TTN: variants seen among roughly 807,000 people sequenced by gnomAD.
TTN encodes the protein titin.
A neutral mutation model predicts 3,223.0 loss-of-function variants in TTN; 1,525 were observed. That is an observed-to-expected ratio of 0.47 (90% CI 0.45 to 0.49). The LOEUF (loss-of-function observed/expected upper bound fraction) is 0.49, where lower values mean the gene tolerates loss of function less well. Among genes scored for constraint, TTN ranks in the 20% least tolerant of loss-of-function variants. The probability of loss-of-function intolerance (pLI) is 0.00; values close to 1 mark genes in which losing one functional copy is unlikely to be tolerated. For synonymous variants in TTN, 14,094 were observed against 15,161.0 expected (o/e 0.93, Z 5.17); for missense variants, 40,786 against 43,424.0 (o/e 0.94, Z 5.40).
chr2:178,723,922 T>C lies in TTN; in HGVS notation c.21337A>G (p.Asn7113Asp), dbSNP rs1309672541. ...LNSLDSSDMG[N>D]YTCVAANVAG... ...ACATTAGCAGCCACGCATGTGTAAT[T>C]GCCCATATCTGAGGAATCCAGAGAA... Residue 7113 changes from asparagine to aspartate, a missense_variant, in exon 73 of 363, where the codon AAT becomes GAT. Transcript: ENST00000589042. 1.2e-6 allele frequency: 2 copies of C among 1,613,534 alleles called. No homozygotes were observed. The highest frequency in any genetic ancestry group is 8.5e-7 in the Non-Finnish European group (1 of 1,179,562).
Position 178,652,330 on chromosome 2 carries a change from C to G in TTN, c.39145G>C (p.Glu13049Gln), listed in dbSNP as rs1210656980. 9 of 1,613,740 alleles carry G rather than the reference C, an allele frequency of 5.6e-6. No homozygotes were observed. The highest frequency in any genetic ancestry group is 7.6e-6 in the Non-Finnish European group (9 of 1,179,708). The stretch of plus-strand genomic sequence containing the variant: ...GGCACTTTCTTTTCAGGAACAACTT[C>G]TTTGGGAGCCTCAGGCACTTGAAAG... ...TPVKVPEAPK[E>Q]VVPEKKVPVP... Residue 13049 changes from glutamate (E) to glutamine (Q), a missense_variant, in exon 203 of 363, where the codon GAA becomes CAA. Transcript: ENST00000589042.
rs1391182594 is a variant in TTN, at chr2:178,536,758, G to A, written c.100171+180C>T. On this transcript the variant is annotated intron_variant, in intron 356 of 362. Coordinates refer to ENST00000589042, the MANE Select transcript of TTN (RefSeq NM_001267550.2). ...AAACCAAAGTTCTATTTTTACAATG[G>A]GGTTAGGATATATATTTCTCCTTTT... The A allele has an allele frequency of 1.7e-5, 13 of 773,068 alleles. 1 individual carries two copies. Among genetic ancestry groups the A allele is most frequent in the Non-Finnish European group, 2.5e-5 (13 of 518,620 alleles). The allele number at this position is 773,068 out of a possible 1,614,324, so 47.9% of individuals were successfully genotyped here.
intron 3 of TTN, among the ~76,000 whole-genome samples, 161 bp downstream of exon 3, chr2:178,801,977 A>T (rs2094087151): frequency 6.6e-6 from 1 of 152,230 alleles, no homozygotes. Flanking sequence ...AAATTCCAAA[A>T]GGCAAACAAC....
At position 178,620,803 on chromosome 2, in the gene TTN, T is replaced by A; in HGVS notation, c.45807A>T (p.Ala15269=). 1 of 1,612,832 alleles carries A rather than the reference T, an allele frequency of 6.2e-7. No homozygotes were observed. ...DLVYTLRIRD[A]HLDDQANYNV... Reference sequence around the variant, plus strand: ...TATAGTTGGCTTGGTCATCTAAGTGTGCATCTCTAATTCTGAGGGTGTAGA... The same window carrying A: ...TATAGTTGGCTTGGTCATCTAAGTGAGCATCTCTAATTCTGAGGGTGTAGA... The change falls in exon 247 of 363, where the codon GCA becomes GCT. Residue 15269 remains alanine (A), a synonymous_variant. Coordinates refer to ENST00000589042, the MANE Select transcript of TTN (RefSeq NM_001267550.2).
chr2:178,624,384 T>C (rs1249825993), intron 242 of TTN, 81 bp downstream of exon 242: 11 of 1,580,482 alleles, frequency 7.0e-6, no homozygotes, highest in Non-Finnish European at 9.5e-6. Context: ...AAGAAGGGCA[T>C]GCAAAAAGTG....
chr2:178,762,083 A>G (rs1041731359), intron 43 of TTN, among the ~76,000 whole-genome samples: 1 of 152,112 alleles, frequency 6.6e-6, no homozygotes, highest in African/African-American at 2.4e-5. Flanking sequence ...TACAACCCCC[A>G]AGAACATGGG....
Position 178,593,223 on chromosome 2 carries a change from A to G in TTN, c.58985T>C (p.Ile19662Thr). The G allele has an allele frequency of 6.2e-7, 1 of 1,613,458 alleles. No individual in the cohort carries two copies. Among genetic ancestry groups the G allele is most frequent in the Admixed American group, 1.7e-5 (1 of 59,972 alleles). Reference protein sequence around the residue: ...FRVSAENEIGIGDPSPPSKPV... With the variant: ...FRVSAENEIGTGDPSPPSKPV... ...TTTGGATGGTGGGCTTGGATCTCCA[A>G]TACCAATTTCATTTTCTGCAGAAAC... The change falls in exon 299 of 363, where the codon ATT becomes ACT. Residue 19662 changes from isoleucine (I) to threonine (T), a missense_variant. Ile to Thr is a moderately conservative substitution (Grantham distance 89, BLOSUM62 -1). Coordinates refer to ENST00000589042, the MANE Select transcript of TTN (RefSeq NM_001267550.2).
At position 178,591,965 on chromosome 2, in the gene TTN, G is replaced by A. The variant is rs754345312; in HGVS notation, c.59926+13C>T. ...GTCAAACAATAGTTTTGTATTCAGA[G>A]AAAGCAACTTACGGAGAGGATCCAA... On this transcript the variant is annotated intron_variant, in intron 302 of 362. Coordinates refer to ENST00000589042, the MANE Select transcript of TTN (RefSeq NM_001267550.2). 3.1e-6 allele frequency: 5 copies of A among 1,608,818 alleles called. No homozygotes were observed. The African/African-American group carries it at 6.7e-5, about 22-fold the overall frequency.
chr2:178,789,559 C>A, intron 12 of TTN, 62 bp from the exon 13 acceptor site: 2 of 1,599,962 alleles, frequency 1.3e-6, no homozygotes, highest in Non-Finnish European at 1.7e-6. Flanking sequence ...CATAGTATGA[C>A]CCTTCCCCCT....
At position 178,704,268 on chromosome 2, in the gene TTN, A is replaced by G; in HGVS notation, c.30102T>C (p.His10034=). ...GGACTTTGTGTTCCACTTCTGTTTTATGTCTACCTTGGGGTTTAAGGATTC... is the reference window on the plus strand; with the variant it reads ...GGACTTTGTGTTCCACTTCTGTTTTGTGTCTACCTTGGGGTTTAAGGATTC... ...NGRILKPQGR[H]KTEVEHKVHK... is the part of the protein sequence containing the mutation. The change falls in exon 106 of 363, where the codon CAT becomes CAC. Residue 10034 remains histidine, a synonymous_variant. Coordinates refer to ENST00000589042, the MANE Select transcript of TTN (RefSeq NM_001267550.2). 1 of 1,613,954 alleles carries G rather than the reference A, an allele frequency of 6.2e-7. No homozygotes were observed. The highest frequency in any genetic ancestry group is 8.5e-7 in the Non-Finnish European group (1 of 1,179,866).
At chr2:178,791,982 C>T in intron 10 of TTN, 90 bp downstream of exon 10, 2 of 1,393,024 alleles carry the variant, frequency 1.4e-6, no homozygotes, top group East Asian at 2.4e-5. Context: ...AAGACTTCTC[C>T]ATTTAAGGGT....
chr2:178,719,095 G>A, intron 83 of TTN, 69 bp downstream of exon 83: 2 of 1,542,426 alleles, frequency 1.3e-6, no homozygotes, highest in South Asian at 2.6e-5. Flanking sequence ...GAAACTCCAG[G>A]GAAGGCAGGC....
rs1404850826 is a variant in TTN, at chr2:178,530,470, A to G, written c.106145T>C (p.Ile35382Thr). The part of the protein sequence containing the change: ...LQFMGQAFKS[I>T]HEKVSKISET... ...TGATATTTTTGATACCTTCTCATGGATACTCTTAAAGGCTTGCCCCATAAA... is the reference window on the plus strand; with the variant it reads ...TGATATTTTTGATACCTTCTCATGGGTACTCTTAAAGGCTTGCCCCATAAA... The change falls in exon 358 of 363, where the codon ATC becomes ACC. Residue 35382 changes from isoleucine (I) to threonine (T), a missense_variant. By Grantham distance (89) the Ile-to-Thr change is moderately conservative. Coordinates refer to ENST00000589042, the MANE Select transcript of TTN (RefSeq NM_001267550.2). The G allele has an allele frequency of 6.2e-7, 1 of 1,613,964 alleles. No homozygotes were observed. Among genetic ancestry groups the G allele is most frequent in the Admixed American group, 1.7e-5 (1 of 60,024 alleles).
chr2:178,591,912 T>C lies in TTN; in HGVS notation c.59927-20A>G, dbSNP rs762347403. 1.3e-5 allele frequency: 21 copies of C among 1,605,096 alleles called. 1 individual carries two copies. The highest frequency in any genetic ancestry group is 6.7e-5 in the South Asian group (6 of 88,984). On this transcript the variant is annotated intron_variant, in intron 302 of 362. Coordinates refer to ENST00000589042, the MANE Select transcript of TTN (RefSeq NM_001267550.2). ...GGGGATCTTTTCAAAGAAGAAGTTA[T>C]GATGAAAAAGTAATATTCTTAAAGA...
Position 178,537,872 on chromosome 2 carries a change from G to T in TTN, c.99335C>A (p.Thr33112Lys), listed in dbSNP as rs374883160. ...GAGTTGAGCAGCTTCACCCAATTTT[G>T]TGGTAACATCCTTCATTTCTTTGCG... is the stretch of plus-strand genomic sequence containing the variant. ...GIRKEMKDVT[T>K]KLGEAAQLSC... is the part of the protein sequence containing the mutation. Residue 33112 changes from threonine to lysine, a missense_variant, in exon 355 of 363, where the codon ACA becomes AAA. By Grantham distance (78) the Thr-to-Lys change is moderately conservative. Coordinates refer to ENST00000589042, the MANE Select transcript of TTN (RefSeq NM_001267550.2). 65 of 1,613,124 alleles carry T rather than the reference G, an allele frequency of 4.0e-5. No individual in the cohort carries two copies. Among genetic ancestry groups the T allele is most frequent in the Non-Finnish European group, 4.6e-5 (54 of 1,179,486 alleles).
At chr2:178,764,088 G>A (rs1019898504) in intron 43 of TTN, 89 bp downstream of exon 43, 1 of 1,576,868 alleles carries the variant, frequency 6.3e-7, no homozygotes, top group African/African-American at 1.3e-5. Flanking sequence ...CATGAGAGAT[G>A]TTTGTGATGG....
At chr2:178,764,424 C>G (rs2089991350) in intron 42 of TTN, 103 bp downstream of exon 42, 2 of 1,610,440 alleles carry the variant, frequency 1.2e-6, no homozygotes, top group Non-Finnish European at 8.5e-7. Context: ...GGGTAGCAAT[C>G]TACTTTTATG....
intron 259 of TTN, 54 bp downstream of exon 259, chr2:178,615,253 C>T: frequency 6.3e-7 from 1 of 1,582,750 alleles, no homozygotes; most frequent in Non-Finnish European, 8.6e-7. Flanking sequence ...CCAACAAAGC[C>T]CATTTTAGTG....
intron 6 of TTN, among the ~76,000 whole-genome samples, chr2:178,796,897 A>G (rs1347781271): frequency 1.3e-5 from 2 of 152,238 alleles, no homozygotes; most frequent in African/African-American, 4.8e-5. Flanking sequence ...CACCTTATTC[A>G]ATGAAATATG....
Sources: gnomAD v4.1 joint callset for allele counts (sites outside exome capture counted in the v4.1 genomes callset) on GRCh38, gnomAD v4.1.1 for gene constraint, MANE v1.5 for transcripts, NCBI Gene and HGNC (gene_info 2026-07-23, HGNC 2026-07-21) for gene names.